The following ADARB2 variants were observed in gnomAD, a reference collection of about 807,000 sequenced individuals.
The protein encoded by ADARB2 is inactive double-stranded RNA-specific editase B2.
Under a neutral mutation model 62.2 loss-of-function variants are expected in ADARB2, and 25 were observed. The observed-to-expected ratio is 0.40, with a 90% CI of 0.29 to 0.56. The LOEUF is 0.56. Among genes scored for constraint, ADARB2 ranks in the 20% least tolerant of loss-of-function variants. The pLI, the probability that ADARB2 is intolerant of heterozygous loss-of-function variation, is 0.43. For synonymous variants in ADARB2, 572 were observed against 500.8 expected, an observed-to-expected ratio of 1.14 and a Z score of -1.90; for missense variants, 1,071 against 1,077.4, an observed-to-expected ratio of 0.99 and a Z score of 0.08.
Position 1,218,555 on chromosome 10 carries a change from C to T in ADARB2, c.1514-1436G>A, listed in dbSNP as rs182825603. Among the ~76,000 whole-genome samples the T allele has an allele frequency of 7.9e-5, 12 of 152,326 alleles. No individual in the cohort carries two copies. In the East Asian group the frequency reaches 2.1e-3, roughly 27 times the overall value. On this transcript the variant is annotated intron_variant, in intron 6 of 9. Transcript: ENST00000381312. ...GCAATTTCCCCCTCACTTTCCCCCA[C>T]TGACAGTGCTTGATATGGCTGGGAT...
At chr10:1,242,948 A>G (rs954052492) in intron 4 of ADARB2, among the ~76,000 whole-genome samples, 30 of 152,336 alleles carry the variant, frequency 2.0e-4, no homozygotes, top group African/African-American at 7.0e-4. Flanking sequence ...AAAGTATAAT[A>G]TTCATCACTT....
At chr10:1,663,669 G>C (rs1026281597) in intron 1 of ADARB2, among the ~76,000 whole-genome samples, 8 of 151,752 alleles carry the variant, frequency 5.3e-5, no homozygotes, top group East Asian at 1.9e-4. Context: ...ACCCAGGCTA[G>C]AGTGCAGTGA....
At chr10:1,507,812 TGGA>T (rs748264446) in intron 1 of ADARB2, among the ~76,000 whole-genome samples, 4 of 152,140 alleles carry the variant, frequency 2.6e-5, no homozygotes, top group Non-Finnish European at 5.9e-5. Context: ...CGGGGAGAAC[TGGA>T]GGAGAAGAGC....
chr10:1,390,738 C>T (rs1026391196), intron 1 of ADARB2, among the ~76,000 whole-genome samples: 2 of 152,178 alleles, frequency 1.3e-5, no homozygotes, highest in South Asian at 4.1e-4. Context: ...GTCTCAAAGA[C>T]AAAGTCCTTC....
intron 1 of ADARB2, among the ~76,000 whole-genome samples, chr10:1,380,720 T>A (rs1477105863): frequency 1.3e-5 from 2 of 152,222 alleles, no homozygotes; most frequent in African/African-American, 4.8e-5. Context: ...GCCTTTACCT[T>A]CTTTGTTCTA....
intron 3 of ADARB2, among the ~76,000 whole-genome samples, chr10:1,344,031 T>TA (rs369308755): frequency 1.5e-4 from 23 of 152,008 alleles, no homozygotes; most frequent in African/African-American, 5.1e-4. Context: ...AAATAAGAGT[T>TA]AAAAAAACTC....
intron 1 of ADARB2, among the ~76,000 whole-genome samples, chr10:1,687,482 A>G (rs978918510): frequency 6.6e-6 from 1 of 152,168 alleles, no homozygotes; most frequent in African/African-American, 2.4e-5. Context: ...CAAAGCTAAC[A>G]TAATAATAAA....
chr10:1,674,070 C>T (rs1162269270), intron 1 of ADARB2, among the ~76,000 whole-genome samples: 1 of 152,264 alleles, frequency 6.6e-6, no homozygotes, highest in East Asian at 1.9e-4. Context: ...CTGCAATCCC[C>T]TGAAGTCGAT....
chr10:1,215,667 G>A lies in ADARB2; in HGVS notation c.1682+1284C>T. 3 of 152,252 alleles carry A rather than the reference G, an allele frequency of 2.0e-5. 1 individual carries two copies. Among genetic ancestry groups the A allele is most frequent in the Non-Finnish European group, 4.4e-5 (3 of 68,058 alleles). 9.4% of individuals were successfully genotyped at this position (152,252 alleles called of 1,614,324 possible). A position where few individuals can be genotyped will look rare whatever the true frequency, so the allele number is the denominator to read the frequency against. On this transcript the variant is annotated intron_variant, in intron 7 of 9. Coordinates refer to ENST00000381312, the MANE Select transcript of ADARB2 (RefSeq NM_018702.4). Reference sequence around the variant, plus strand: ...GCTGCAGATGACAGAGGAACAGGACGACCAGAGTGTCCAAGGGTGTTCTGG... The same window carrying A: ...GCTGCAGATGACAGAGGAACAGGACAACCAGAGTGTCCAAGGGTGTTCTGG...
chr10:1,272,536 G>T (rs1315268817), intron 3 of ADARB2, among the ~76,000 whole-genome samples: 1 of 152,230 alleles, frequency 6.6e-6, no homozygotes, highest in Non-Finnish European at 1.5e-5. Flanking sequence ...AGTCTCCTCT[G>T]CTCACCCCGG....
chr10:1,721,687 C>T (rs564788925), intron 1 of ADARB2, among the ~76,000 whole-genome samples: 40 of 152,304 alleles, frequency 2.6e-4, no homozygotes, highest in South Asian at 2.5e-3. Flanking sequence ...CCTTGTGTGG[C>T]CTCAGTGTCA....
chr10:1,498,402 ATAAATAAG>A (rs1168229467), intron 1 of ADARB2, among the ~76,000 whole-genome samples: 3 of 145,412 alleles, frequency 2.1e-5, no homozygotes, highest in Non-Finnish European at 4.6e-5. Flanking sequence ...AAATAAATAA[ATAAATAAG>A]TAATTTTTTT....
intron 1 of ADARB2, among the ~76,000 whole-genome samples, chr10:1,485,519 CCA>C (rs1453421203): frequency 6.6e-6 from 1 of 152,132 alleles, no homozygotes; most frequent in Non-Finnish European, 1.5e-5. Context: ...CTCTCACCCG[CCA>C]GTCTCTGGCC....
rs535919543 is a variant in ADARB2, at chr10:1,726,514, T to C, written c.100+10537A>G. On this transcript the variant is annotated intron_variant, in intron 1 of 9. Transcript: ENST00000381312. ...TTCTGTGACTCTATGGATGACTCTG[T>C]AAATCGTGTGAGACAGATGAGTGTG... Among the ~76,000 whole-genome samples, 21 of 152,292 alleles carry C rather than the reference T, an allele frequency of 1.4e-4. No homozygotes were observed. In the South Asian group the frequency reaches 1.5e-3, roughly 11 times the overall value.
intron 1 of ADARB2, among the ~76,000 whole-genome samples, chr10:1,487,855 C>T (rs1017880823): frequency 7.2e-5 from 11 of 151,726 alleles, no homozygotes; most frequent in Admixed American, 1.3e-4. Flanking sequence ...AAACACGTGC[C>T]GCGGGTGTGA....
chr10:1,364,847 A>G (rs910637891), intron 2 of ADARB2, among the ~76,000 whole-genome samples: 1 of 149,118 alleles, frequency 6.7e-6, no homozygotes, highest in Non-Finnish European at 1.5e-5. Flanking sequence ...CGCTCACCTT[A>G]TGCCTCTGTG....
chr10:1,379,212 C>G lies in ADARB2; in HGVS notation c.101-52G>C, dbSNP rs746081986. ...CTTTTGACATGGAGTTGCGGAAAAA[C>G]TCAATGCTTTTATAAGTTCTTATTA... On this transcript the variant is annotated intron_variant, in intron 1 of 9. Coordinates refer to ENST00000381312, the MANE Select transcript of ADARB2 (RefSeq NM_018702.4). The G allele has an allele frequency of 7.6e-6, 11 of 1,438,886 alleles. No individual in the cohort carries two copies. The East Asian group carries it at 2.5e-4, about 33-fold the overall frequency. 89.1% of individuals were successfully genotyped at this position (1,438,886 alleles called of 1,614,324 possible).
chr10:1,560,472 C>CGGGTTGGATTGGAG lies in ADARB2; in HGVS notation c.100+176578_100+176579insCTCCAATCCAACCC, dbSNP rs1564330733. On this transcript the variant is annotated intron_variant, in intron 1 of 9. Coordinates refer to ENST00000381312, the MANE Select transcript of ADARB2 (RefSeq NM_018702.4). The stretch of plus-strand genomic sequence containing the variant: ...CACACACGCGTGAACACACGGGGGG[C>CGGGTTGGATTGGAG]ACCCTGGGTCGTCACACACGCGTGA... Among the ~76,000 whole-genome samples, 16 of 149,958 alleles carry CGGGTTGGATTGGAG rather than the reference C, an allele frequency of 1.1e-4. 1 individual carries two copies. Among genetic ancestry groups the CGGGTTGGATTGGAG allele is most frequent in the African/African-American group, 1.7e-4 (7 of 40,966 alleles).
intron 1 of ADARB2, among the ~76,000 whole-genome samples, chr10:1,494,805 T>C (rs1342714166): frequency 6.6e-6 from 1 of 152,134 alleles, no homozygotes; most frequent in African/African-American, 2.4e-5. Context: ...TACCATGTGC[T>C]CCAAACCTCC....
Sources: gnomAD v4.1 joint callset for allele counts (sites outside exome capture counted in the v4.1 genomes callset) on GRCh38, gnomAD v4.1.1 for gene constraint, MANE v1.5 for transcripts, NCBI Gene and HGNC (gene_info 2026-07-23, HGNC 2026-07-21) for gene names.